Variants in PAXIP1 observed in about 807,000 individuals in gnomAD.
PAXIP1 encodes PAX-interacting protein 1.
Under a neutral mutation model 140.6 loss-of-function variants are expected in PAXIP1, and 19 were observed. That is an observed-to-expected ratio of 0.14 (90% CI 0.09 to 0.20). PAXIP1 has a LOEUF of 0.20. Ranked by LOEUF, PAXIP1 falls within the 10% of genes least tolerant of loss-of-function variation. PAXIP1 has a pLI of 1.00. For missense variants in PAXIP1, 920 were observed against 1,208.6 expected (o/e 0.76, Z 3.54); for synonymous variants, 442 against 444.6 (o/e 0.99, Z 0.07).
rs1380577881 is a variant in PAXIP1, at chr7:154,990,159, AG to A, written c.324+846del. On this transcript the variant is annotated intron_variant, in intron 4 of 20. Transcript: ENST00000404141. ...CAGGTTCAAGTGATTCTCCTGCCTC[AG>A]CCTCCCAAGTAGCTGCGATTACAGG... Among the ~76,000 whole-genome samples, 12 of 148,418 alleles carry A rather than the reference AG, an allele frequency of 8.1e-5. No homozygotes were observed. The East Asian group carries it at 2.4e-3, about 30-fold the overall frequency.
chr7:154,983,256 T>C lies in PAXIP1; in HGVS notation c.401A>G (p.Lys134Arg), dbSNP rs1809923944. The C allele has an allele frequency of 6.2e-6, 10 of 1,612,462 alleles. No individual in the cohort carries two copies. The highest frequency in any genetic ancestry group is 8.5e-6 in the Non-Finnish European group (10 of 1,179,080). The change falls in exon 5 of 21, where the codon AAG (lysine) becomes AGG (arginine). Residue 134 changes from lysine (K) to arginine (R), a missense_variant. Around this residue, in one of 5 missense-constraint regions of PAXIP1, gnomAD observed 419 missense variants for 514.7 expected, o/e 0.81. Coordinates refer to ENST00000404141, the MANE Select transcript of PAXIP1 (RefSeq NM_007349.4). ...TGGAACAATCAAATGCGTGCATTTC[T>C]TATTGAGGGTTAGCTGGCAATCTCC... ...YGGDCQLTLN[K>R]KCTHLIVPEP... is the part of the protein sequence containing the mutation.
chr7:154,962,797 A>C (rs1808813912), intron 9 of PAXIP1: 1 of 167,328 alleles, frequency 6.0e-6, no homozygotes, highest in African/African-American at 2.4e-5. Flanking sequence ...ATAAGAAAAA[A>C]TACAAAAAAC....
At chr7:154,951,342 T>C (rs926768795) in intron 16 of PAXIP1, 2 of 152,392 alleles carry the variant, frequency 1.3e-5, no homozygotes, top group Admixed American at 6.5e-5. Context: ...TAACAGTTAA[T>C]AAACATTTCA....
chr7:154,974,297 C>T (rs1809466059), intron 6 of PAXIP1: 1 of 152,228 alleles, frequency 6.6e-6, no homozygotes, highest in African/African-American at 2.4e-5. Flanking sequence ...CTGCTTCACT[C>T]TTGCCCCTCA....
intron 3 of PAXIP1, among the ~76,000 whole-genome samples, chr7:154,991,602 TA>T (rs908082010): frequency 6.6e-6 from 1 of 152,204 alleles, no homozygotes. Context: ...TCCCCTTTTT[TA>T]AAACAAAAGT....
intron 4 of PAXIP1, among the ~76,000 whole-genome samples, chr7:154,984,776 C>A (rs1295424864): frequency 6.6e-6 from 1 of 152,090 alleles, no homozygotes; most frequent in Non-Finnish European, 1.5e-5. Context: ...ATTATCTAAT[C>A]TTTATTAAAA....
At chr7:154,984,399 C>A (rs1180083352) in intron 4 of PAXIP1, among the ~76,000 whole-genome samples, 1 of 152,108 alleles carries the variant, frequency 6.6e-6, no homozygotes, top group Non-Finnish European at 1.5e-5. Flanking sequence ...GTTGAAGAAT[C>A]CTGAACTTTG....
chr7:154,949,393 T>A lies in PAXIP1; in HGVS notation c.2822-1390A>T, dbSNP rs1808162097. 4 of 151,790 alleles carry A rather than the reference T, an allele frequency of 2.6e-5. No individual in the cohort carries two copies. In the South Asian group the frequency reaches 8.3e-4, roughly 31 times the overall value. 9.4% of individuals were successfully genotyped at this position (151,790 alleles called of 1,614,324 possible). On this transcript the variant is annotated intron_variant, in intron 16 of 20. Transcript: ENST00000404141. Reference sequence around the variant, plus strand: ...CCAACGGCCAGAAATACAAAATCAATCCCTGAGTCAACCAGCAGATAGAAA... The same window carrying A: ...CCAACGGCCAGAAATACAAAATCAAACCCTGAGTCAACCAGCAGATAGAAA...
chr7:154,998,962 T>G (rs1415814551), intron 1 of PAXIP1, among the ~76,000 whole-genome samples, 178 bp from the exon 2 acceptor site: 1 of 152,166 alleles, frequency 6.6e-6, no homozygotes, highest in African/African-American at 2.4e-5. Flanking sequence ...TCGGGGACAA[T>G]CAAAAGCAGC....
chr7:154,950,218 C>T (rs1179999734), intron 16 of PAXIP1: 1 of 152,080 alleles, frequency 6.6e-6, no homozygotes, highest in Non-Finnish European at 1.5e-5. Flanking sequence ...GGAACAACTG[C>T]ACATCCATAT....
chr7:154,989,614 T>G (rs1207647653), intron 4 of PAXIP1, among the ~76,000 whole-genome samples: 2 of 152,208 alleles, frequency 1.3e-5, no homozygotes, highest in Non-Finnish European at 2.9e-5. Flanking sequence ...CAATAACAAT[T>G]TGATTTTTTT....
chr7:154,953,039 T>C (rs1176489120), intron 16 of PAXIP1, among the ~76,000 whole-genome samples: 1 of 152,258 alleles, frequency 6.6e-6, no homozygotes, highest in Admixed American at 6.5e-5. Context: ...ATGAATTATA[T>C]TTAAAATCTG....
Position 154,990,058 on chromosome 7 carries a change from T to TG in PAXIP1, c.324+947dup, listed in dbSNP as rs1391906939. Among the ~76,000 whole-genome samples the TG allele has an allele frequency of 1.4e-3, 212 of 148,770 alleles. 2 individuals are homozygous for TG. The highest frequency in any genetic ancestry group is 5.2e-3 in the African/African-American group (209 of 40,444). ...TTCTCTTTTTTTTTTTTTTTTTTTTTGAGATGGAGTTTTGCTCTTGTTACC... is the reference window on the plus strand; with the variant it reads ...TTCTCTTTTTTTTTTTTTTTTTTTTTGGAGATGGAGTTTTGCTCTTGTTACC... On this transcript the variant is annotated intron_variant, in intron 4 of 20. Transcript: ENST00000404141.
intron 16 of PAXIP1, among the ~76,000 whole-genome samples, chr7:154,953,698 TA>T (rs1808383218): frequency 6.6e-6 from 1 of 152,192 alleles, no homozygotes; most frequent in Non-Finnish European, 1.5e-5. Flanking sequence ...ATACTTATTT[TA>T]TACCTAGCAA....
At chr7:154,959,041 G>C (rs995565834) in intron 13 of PAXIP1, among the ~76,000 whole-genome samples, 1 of 152,190 alleles carries the variant, frequency 6.6e-6, no homozygotes, top group Non-Finnish European at 1.5e-5. Context: ...GACGTGGGAT[G>C]ATTATCAGCA....
rs146432907 is a variant in PAXIP1, at chr7:154,963,917, C to T, written c.1894-151G>A. 36 of 627,530 alleles carry T rather than the reference C, an allele frequency of 5.7e-5. No individual in the cohort carries two copies. Among genetic ancestry groups the T allele is most frequent in the South Asian group, 1.1e-4 (6 of 53,698 alleles). The allele number at this position is 627,530 out of a possible 1,614,324, so 38.9% of individuals were successfully genotyped here. A position where few individuals can be genotyped will look rare whatever the true frequency, so the allele number is the denominator to read the frequency against. The stretch of plus-strand genomic sequence containing the variant: ...CAAGGACATGTAACAGTTCTATTTA[C>T]GGACTTTTCTACCCAGCACCATACA... On this transcript the variant is annotated intron_variant, in intron 8 of 20. Coordinates refer to ENST00000404141, the MANE Select transcript of PAXIP1 (RefSeq NM_007349.4). This position sits in a 1 kb window ranked among gnomAD's most constrained non-coding sequence, Gnocchi z 4.1.
At chr7:154,987,342 GGTT>G (rs1275461193) in intron 4 of PAXIP1, among the ~76,000 whole-genome samples, 7 of 152,190 alleles carry the variant, frequency 4.6e-5, no homozygotes, top group South Asian at 2.1e-4. Context: ...TCTTTACCTG[GGTT>G]GTTGTTATTT....
Position 154,975,913 on chromosome 7 carries a change from T to A in PAXIP1, c.857A>T (p.Glu286Val). 1.2e-6 allele frequency: 2 copies of A among 1,613,994 alleles called. No individual in the cohort carries two copies. The highest frequency in any genetic ancestry group is 2.2e-5 in the South Asian group (2 of 91,074). The change falls in exon 6 of 21, where the codon GAG becomes GTG. Residue 286 changes from glutamate (E) to valine (V), a missense_variant. Around this residue, in one of 5 missense-constraint regions of PAXIP1, gnomAD observed 419 missense variants for 514.7 expected, o/e 0.81. Coordinates refer to ENST00000404141, the MANE Select transcript of PAXIP1 (RefSeq NM_007349.4). ...AAKRRLPQGK[E>V]PGLINLCANV... ...GGCACACAAGTTAATCAACCCAGGCTCCTTTCCCTGAGGCAGCCTGCGTTT... is the reference window on the plus strand; with the variant it reads ...GGCACACAAGTTAATCAACCCAGGCACCTTTCCCTGAGGCAGCCTGCGTTT...
Position 154,962,324 on chromosome 7 carries a change from C to G in PAXIP1, c.2124G>C (p.Gln708His). The G allele has an allele frequency of 6.2e-7, 1 of 1,613,782 alleles. No homozygotes were observed. The highest frequency in any genetic ancestry group is 2.2e-5 in the East Asian group (1 of 44,872). ...AFPPGGKPCSQHIISVTGFVD... is the reference protein window; with the variant it reads ...AFPPGGKPCSHHIISVTGFVD... ...GAACGCGAGGACTCTGTCTTACATG[C>G]TGTGAACATGGCTTTCCTCCTGGTG... The change falls in exon 10 of 21, where the codon CAG becomes CAC. Residue 708 changes from glutamine (Q) to histidine (H), a missense_variant. By Grantham distance (24) the Gln-to-His change is conservative. Coordinates refer to ENST00000404141, the MANE Select transcript of PAXIP1 (RefSeq NM_007349.4).
Sources: allele counts gnomAD v4.1 joint callset (sites outside exome capture counted in the v4.1 genomes callset), GRCh38; gene constraint gnomAD v4.1.1; regional missense constraint gnomAD v4.1.1; non-coding constraint Gnocchi (gnomAD v3.1); transcripts MANE v1.5; gene names NCBI Gene and HGNC (gene_info 2026-07-23, HGNC 2026-07-21).